Variants in DCBLD1 observed in about 807,000 individuals in gnomAD.
The protein encoded by DCBLD1 is discoidin, CUB and LCCL domain containing 1, also known as discoidin, CUB and LCCL domain-containing protein 1.
DCBLD1 carries 57 observed loss-of-function variants against 71.5 expected under a neutral mutation model. That is an observed-to-expected ratio of 0.80 (90% CI 0.64 to 0.99). The LOEUF is 0.99. Among genes scored for constraint, DCBLD1 ranks in the 50% least tolerant of loss-of-function variants. The pLI, the probability that DCBLD1 is intolerant of heterozygous loss-of-function variation, is 0.00. For synonymous variants in DCBLD1, 380 were observed against 363.8 expected, an observed-to-expected ratio of 1.04 and a Z score of -0.51; for missense variants, 891 against 923.5, an observed-to-expected ratio of 0.96 and a Z score of 0.46.
chr6:117,530,075 A>G (rs1778665583), intron 5 of DCBLD1, among the ~76,000 whole-genome samples: 2 of 152,200 alleles, frequency 1.3e-5, no homozygotes, highest in South Asian at 2.1e-4. Flanking sequence ...GGGGATCCCA[A>G]GGACAGTGGG....
intron 2 of DCBLD1, among the ~76,000 whole-genome samples, chr6:117,504,769 G>C (rs1211475448): frequency 6.6e-6 from 1 of 152,204 alleles, no homozygotes; most frequent in South Asian, 2.1e-4. Context: ...CAAGGAAATA[G>C]CTCAGGTTGG....
chr6:117,540,629 C>T, intron 9 of DCBLD1, 39 bp from the exon 10 acceptor site: 2 of 1,612,172 alleles, frequency 1.2e-6, no homozygotes, highest in Admixed American at 1.7e-5. Context: ...TAAAAACTCA[C>T]TAATAGAATC....
intron 1 of DCBLD1, among the ~76,000 whole-genome samples, chr6:117,501,690 G>T (rs1211321387): frequency 3.3e-5 from 5 of 152,228 alleles, no homozygotes; most frequent in Admixed American, 6.5e-5. Context: ...GCCCTTTAAA[G>T]CCGACAAATA....
At chr6:117,512,670 G>A (rs962491830) in intron 2 of DCBLD1, among the ~76,000 whole-genome samples, 2 of 152,120 alleles carry the variant, frequency 1.3e-5, no homozygotes, top group Non-Finnish European at 2.9e-5. Context: ...CCACCCACAT[G>A]TACTCCCAGG....
intron 12 of DCBLD1, among the ~76,000 whole-genome samples, chr6:117,543,842 T>G (rs535599999): frequency 6.6e-6 from 1 of 152,134 alleles, no homozygotes; most frequent in East Asian, 1.9e-4. Context: ...GCCCCGTAAC[T>G]CAGCCTCCCC....
At chr6:117,489,634 C>T (rs963126514) in intron 1 of DCBLD1, among the ~76,000 whole-genome samples, 3 of 152,182 alleles carry the variant, frequency 2.0e-5, no homozygotes, top group Non-Finnish European at 4.4e-5. Flanking sequence ...CCTGTAATCC[C>T]AGCACTTTGG....
chr6:117,489,215 G>C (rs1023510567), intron 1 of DCBLD1, among the ~76,000 whole-genome samples: 26 of 152,154 alleles, frequency 1.7e-4, no homozygotes, highest in African/African-American at 6.0e-4. Context: ...AGAAGGTGAA[G>C]GAGAAGCATG....
At chr6:117,533,163 T>C (rs1411416466) in intron 6 of DCBLD1, among the ~76,000 whole-genome samples, 1 of 152,198 alleles carries the variant, frequency 6.6e-6, no homozygotes, top group African/African-American at 2.4e-5. Flanking sequence ...TCTCTCTCAT[T>C]CTCTCCTTCT....
At chr6:117,542,685 G>A (rs1779138379) in intron 11 of DCBLD1, among the ~76,000 whole-genome samples, 1 of 152,100 alleles carries the variant, frequency 6.6e-6, no homozygotes, top group Non-Finnish European at 1.5e-5. Context: ...CTATTGTTAT[G>A]GTACAGGTCC....
intron 2 of DCBLD1, among the ~76,000 whole-genome samples, chr6:117,511,726 G>A (rs1311493875): frequency 6.6e-6 from 1 of 152,202 alleles, no homozygotes; most frequent in Non-Finnish European, 1.5e-5. Context: ...AGAGGGGAAA[G>A]CGCAAGATTG....
chr6:117,515,913 G>T (rs1164415343), intron 2 of DCBLD1, among the ~76,000 whole-genome samples: 2 of 152,178 alleles, frequency 1.3e-5, no homozygotes, highest in South Asian at 2.1e-4. Flanking sequence ...TATGCAGTCT[G>T]TTGGAGATAA....
At chr6:117,486,313 T>C (rs1777083800) in intron 1 of DCBLD1, among the ~76,000 whole-genome samples, 1 of 152,252 alleles carries the variant, frequency 6.6e-6, no homozygotes, top group South Asian at 2.1e-4. Flanking sequence ...CCCCATAGTG[T>C]TTACACCTAT....
Position 117,548,507 on chromosome 6 carries a change from G to A in DCBLD1, c.*68G>A. The A allele has an allele frequency of 1.3e-6, 2 of 1,540,326 alleles. No individual in the cohort carries two copies. The highest frequency in any genetic ancestry group is 2.4e-5 in the East Asian group (1 of 40,904). ...TGTCACAAGGCACTGGAAGAAGGGA[G>A]CCTGCTGGTCCAGAGTGTGCGTGTG... On this transcript the variant is annotated 3_prime_UTR_variant, in exon 15 of 15. Coordinates refer to ENST00000338728, the MANE Select transcript of DCBLD1 (RefSeq NM_001366458.2).
chr6:117,537,605 A>G (rs210654), intron 7 of DCBLD1, among the ~76,000 whole-genome samples: 14,319 of 123,496 alleles, frequency 0.12, 1,567 homozygotes, highest in African/African-American at 0.28. Context: ...CCTTCAGATT[A>G]TGTAGTTTAA....
chr6:117,529,633 C>T (rs1412173832), intron 5 of DCBLD1, among the ~76,000 whole-genome samples: 1 of 152,208 alleles, frequency 6.6e-6, no homozygotes, highest in Non-Finnish European at 1.5e-5. Flanking sequence ...AAAAAAGTGA[C>T]AAATAAACAT....
At chr6:117,484,803 C>G (rs578005065) in intron 1 of DCBLD1, 1 of 152,292 alleles carries the variant, frequency 6.6e-6, no homozygotes, top group Non-Finnish European at 1.5e-5. Context: ...TAAGCCTAAT[C>G]AATACAATTA....
rs1219236587 is a variant in DCBLD1 at position 117,544,541 on chromosome 6, G to T, written c.1459G>T (p.Gly487Ter). ...TTGTCTTGATAGGAAGAAGAAGAAA[G>T]GAAGTCCGTATGGATCAGCAGAGGC... ...FAAFRKKKKK[G>*]SPYGSAEAQK... Residue 487 changes from glycine (G) to a stop codon, truncating the protein, a stop_gained, in exon 13 of 15, where the codon GGA becomes TGA. Coordinates refer to ENST00000338728, the MANE Select transcript of DCBLD1 (RefSeq NM_001366458.2). LOFTEE classifies it high-confidence loss of function. The T allele has an allele frequency of 1.9e-6, 3 of 1,613,620 alleles. No homozygotes were observed.
chr6:117,503,298 A>C (rs979122101), intron 1 of DCBLD1, among the ~76,000 whole-genome samples: 1 of 152,222 alleles, frequency 6.6e-6, no homozygotes, highest in African/African-American at 2.4e-5. Flanking sequence ...TAGCTAAACA[A>C]AGTTACATCA....
chr6:117,520,888 C>G (rs1460264571), intron 3 of DCBLD1, among the ~76,000 whole-genome samples: 1 of 152,202 alleles, frequency 6.6e-6, no homozygotes, highest in Non-Finnish European at 1.5e-5. Context: ...ATATTGCTCC[C>G]AAAGAACTAT....
Sources: gnomAD v4.1 joint callset for allele counts (sites outside exome capture counted in the v4.1 genomes callset) on GRCh38, gnomAD v4.1.1 for gene constraint, MANE v1.5 for transcripts, NCBI Gene and HGNC (gene_info 2026-07-23, HGNC 2026-07-21) for gene names.